FZD6: variants seen among roughly 807,000 people sequenced by gnomAD.
FZD6 encodes frizzled class receptor 6, also known as frizzled-6.
A neutral mutation model predicts 61.4 loss-of-function variants in FZD6; 49 were observed. The observed-to-expected ratio is 0.80, with a 90% CI of 0.63 to 1.01. FZD6 has a LOEUF of 1.01. FZD6 is among the 50% of genes least tolerant of loss of function. FZD6 has a pLI of 0.00. For synonymous variants in FZD6, 265 were observed against 292.2 expected, an observed-to-expected ratio of 0.91 and a Z score of 0.95; for missense variants, 724 against 848.2, an observed-to-expected ratio of 0.85 and a Z score of 1.82.
intron 4 of FZD6, among the ~76,000 whole-genome samples, chr8:103,326,745 A>G (rs1391217358): frequency 6.6e-6 from 1 of 151,672 alleles, no homozygotes; most frequent in Non-Finnish European, 1.5e-5. Flanking sequence ...ACTAACTGGG[A>G]AAGTTTATTT....
Position 103,310,686 on chromosome 8 carries a change from G to A in FZD6, c.178-7904G>A, listed in dbSNP as rs929027071. Among the ~76,000 whole-genome samples, 11 of 152,096 alleles carry A rather than the reference G, an allele frequency of 7.2e-5. No individual in the cohort carries two copies. The East Asian group carries it at 7.7e-4, about 11-fold the overall frequency. On this transcript the variant is annotated intron_variant, in intron 2 of 6. Coordinates refer to ENST00000358755, the MANE Select transcript of FZD6 (RefSeq NM_003506.4). The stretch of plus-strand genomic sequence containing the variant: ...CCCTACAATCTGATAACTCATGCTC[G>A]TTATATTATTTTCTGGTTCTCTGGC...
chr8:103,310,338 T>C (rs759683788), intron 2 of FZD6, among the ~76,000 whole-genome samples: 1 of 152,180 alleles, frequency 6.6e-6, no homozygotes, highest in Non-Finnish European at 1.5e-5. Context: ...GGCACAATCA[T>C]AGCTCACTGC....
chr8:103,328,197 T>C, intron 4 of FZD6, 71 bp from the exon 5 acceptor site: 1 of 1,158,450 alleles, frequency 8.6e-7, no homozygotes, highest in Non-Finnish European at 1.3e-6. Flanking sequence ...GTTCGTTTTA[T>C]ATTGACAATA....
At position 103,331,892 on chromosome 8, in the gene FZD6, G is replaced by T; in HGVS notation, c.*383G>T. 2 of 187,414 alleles carry T rather than the reference G, an allele frequency of 1.1e-5. No homozygotes were observed. Among genetic ancestry groups the T allele is most frequent in the Admixed American group, 5.5e-5 (1 of 18,266 alleles). 11.6% of individuals were successfully genotyped at this position (187,414 alleles called of 1,614,324 possible). A position where few individuals can be genotyped will look rare whatever the true frequency, so the allele number is the denominator to read the frequency against. On this transcript the variant is annotated 3_prime_UTR_variant, in exon 7 of 7. Coordinates refer to ENST00000358755, the MANE Select transcript of FZD6 (RefSeq NM_003506.4). ...GCTGAAGTATTTAAATCTTATCCTTGTATCTTTTTATACATATTTGAAAAT... is the reference window on the plus strand; with the variant it reads ...GCTGAAGTATTTAAATCTTATCCTTTTATCTTTTTATACATATTTGAAAAT...
chr8:103,312,689 C>G (rs751033114), intron 2 of FZD6, among the ~76,000 whole-genome samples: 1 of 152,168 alleles, frequency 6.6e-6, no homozygotes. Flanking sequence ...AAAATATGTT[C>G]ATCCCAGTTA....
At chr8:103,310,207 C>T (rs925377232) in intron 2 of FZD6, among the ~76,000 whole-genome samples, 2 of 152,150 alleles carry the variant, frequency 1.3e-5, no homozygotes, top group Non-Finnish European at 2.9e-5. Context: ...TAGCCACCTG[C>T]AGATCAAACT....
chr8:103,322,886 T>G (rs1191179912), intron 3 of FZD6, among the ~76,000 whole-genome samples: 1 of 152,162 alleles, frequency 6.6e-6, no homozygotes, highest in East Asian at 1.9e-4. Flanking sequence ...TGATTGTAGA[T>G]TATTCCTAAT....
At chr8:103,329,365 G>A (rs1439421841) in intron 5 of FZD6, among the ~76,000 whole-genome samples, 4 of 148,896 alleles carry the variant, frequency 2.7e-5, no homozygotes, top group African/African-American at 9.9e-5. Flanking sequence ...TGTATAGTAC[G>A]TTTATGCTGT....
At chr8:103,307,137 T>G (rs1814358654) in intron 2 of FZD6, among the ~76,000 whole-genome samples, 1 of 152,216 alleles carries the variant, frequency 6.6e-6, no homozygotes, top group South Asian at 2.1e-4. Flanking sequence ...GCCAAGATAC[T>G]GCCACAGGAC....
At chr8:103,299,908 T>G in intron 1 of FZD6, 48 bp from the exon 2 acceptor site, 1 of 543,014 alleles carries the variant, frequency 1.8e-6, no homozygotes, top group South Asian at 2.0e-5. Context: ...ACTCCACATT[T>G]GAGTTTATGA....
intron 2 of FZD6, among the ~76,000 whole-genome samples, chr8:103,309,690 T>G (rs1160702189): frequency 6.6e-6 from 1 of 152,102 alleles, no homozygotes; most frequent in East Asian, 1.9e-4. Context: ...ACTTGGAAAA[T>G]TGCAGTGGGT....
intron 5 of FZD6, among the ~76,000 whole-genome samples, chr8:103,328,836 A>G (rs1815032364): frequency 6.6e-6 from 1 of 151,374 alleles, no homozygotes; most frequent in Admixed American, 6.6e-5. Flanking sequence ...AAACCTATAA[A>G]GTATGATTCA....
At chr8:103,316,061 TAC>T (rs1814616441) in intron 2 of FZD6, among the ~76,000 whole-genome samples, 1 of 152,216 alleles carries the variant, frequency 6.6e-6, no homozygotes, top group Admixed American at 6.5e-5. Flanking sequence ...CTCCTCCTGA[TAC>T]AGTTTTTGAT....
intron 2 of FZD6, among the ~76,000 whole-genome samples, chr8:103,305,806 C>G (rs963233142): frequency 2.6e-5 from 4 of 152,182 alleles, no homozygotes; most frequent in Admixed American, 2.6e-4. Context: ...TAAGGGCAGG[C>G]CTGTATGTGA....
At chr8:103,310,271 G>A (rs914629259) in intron 2 of FZD6, among the ~76,000 whole-genome samples, 2 of 151,354 alleles carry the variant, frequency 1.3e-5, no homozygotes, top group African/African-American at 2.4e-5. Flanking sequence ...TTTTGTGTGT[G>A]TGTTTCATTT....
chr8:103,313,240 C>T (rs1814545081), intron 2 of FZD6, among the ~76,000 whole-genome samples: 1 of 152,128 alleles, frequency 6.6e-6, no homozygotes, highest in Non-Finnish European at 1.5e-5. Context: ...ATGGTAAGTA[C>T]CAAATAAGCC....
chr8:103,306,808 G>C (rs1347433812), intron 2 of FZD6, among the ~76,000 whole-genome samples: 2 of 152,058 alleles, frequency 1.3e-5, no homozygotes, highest in East Asian at 3.9e-4. Flanking sequence ...CCTGGCCCCA[G>C]GTTCATCACT....
At position 103,325,006 on chromosome 8, in the gene FZD6, G is replaced by A. The variant is rs1218401052; in HGVS notation, c.900G>A (p.Trp300Ter). 1 of 1,614,060 alleles carries A rather than the reference G, an allele frequency of 6.2e-7. No individual in the cohort carries two copies. Among genetic ancestry groups the A allele is most frequent in the Non-Finnish European group, 8.5e-7 (1 of 1,179,976 alleles). ...YFFTMAGTVWWVILTITWFLA... is the reference protein window; with the variant it reads ...YFFTMAGTVW ...TCACAATGGCTGGCACTGTGTGGTGGGTGATTCTTACCATTACTTGGTTCT... is the reference window on the plus strand; with the variant it reads ...TCACAATGGCTGGCACTGTGTGGTGAGTGATTCTTACCATTACTTGGTTCT... The change falls in exon 4 of 7, where the codon TGG becomes TGA. Residue 300 changes from tryptophan to a stop codon, truncating the protein, a stop_gained. Transcript: ENST00000358755. LOFTEE classifies it high-confidence loss of function.
chr8:103,329,587 C>CT, intron 5 of FZD6, 68 bp from the exon 6 acceptor site: 1 of 1,181,388 alleles, frequency 8.5e-7, no homozygotes, highest in Non-Finnish European at 1.2e-6. Context: ...ATGTGATATC[C>CT]TTTATATCCT....
Sources: gnomAD v4.1 joint callset for allele counts (sites outside exome capture counted in the v4.1 genomes callset) on GRCh38, gnomAD v4.1.1 for gene constraint, MANE v1.5 for transcripts, NCBI Gene and HGNC (gene_info 2026-07-23, HGNC 2026-07-21) for gene names.